IL1RAPL1: variants seen among roughly 807,000 people sequenced by gnomAD.
The protein encoded by IL1RAPL1 is interleukin 1 receptor accessory protein like 1.
A neutral mutation model predicts 48.4 loss-of-function variants in IL1RAPL1; 3 were observed. That is an observed-to-expected ratio of 0.06 (90% CI 0.03 to 0.16). The LOEUF (loss-of-function observed/expected upper bound fraction) is 0.16, where lower values mean the gene tolerates loss of function less well. Ranked by LOEUF, IL1RAPL1 falls within the 10% of genes least tolerant of loss-of-function variation. IL1RAPL1 has a pLI of 1.00. For synonymous variants in IL1RAPL1, 185 were observed against 187.7 expected, an observed-to-expected ratio of 0.99 and a Z score of 0.12; for missense variants, 349 against 530.6, an observed-to-expected ratio of 0.66 and a Z score of 3.36.
intron 2 of IL1RAPL1, among the ~76,000 whole-genome samples, chrX:29,036,118 A>C (rs1053091135): frequency 2.7e-5 from 3 of 112,034 alleles, no homozygotes; most frequent in African/African-American, 9.7e-5. Flanking sequence ...ACACTTCTTC[A>C]TTGGCATCTA....
chrX:29,446,126 C>A (rs1008468318), intron 5 of IL1RAPL1, among the ~76,000 whole-genome samples: 2 of 111,597 alleles, frequency 1.8e-5, no homozygotes, highest in African/African-American at 6.5e-5. Context: ...CCAAACGGTT[C>A]TCAAGACTTT....
intron 6 of IL1RAPL1, among the ~76,000 whole-genome samples, chrX:29,906,520 T>C (rs1271179113): frequency 1.7e-5 from 1 of 59,412 alleles, no homozygotes; most frequent in African/African-American, 6.5e-5. Context: ...TATATATATA[T>C]ATTTCTGTAG....
chrX:28,598,701 T>G (rs1177848049), intron 1 of IL1RAPL1, among the ~76,000 whole-genome samples: 7 of 105,603 alleles, frequency 6.6e-5, no homozygotes, highest in Non-Finnish European at 1.4e-4. Context: ...CAATCTTGGC[T>G]CACTGCAACC....
intron 6 of IL1RAPL1, among the ~76,000 whole-genome samples, chrX:29,733,284 G>A (rs1302123885): frequency 1.8e-5 from 2 of 111,798 alleles, no homozygotes; most frequent in African/African-American, 6.5e-5. Context: ...CTATCTGACT[G>A]CAAATTCTTT....
chrX:29,273,450 T>C (rs1035088977), intron 2 of IL1RAPL1, among the ~76,000 whole-genome samples: 2 of 111,587 alleles, frequency 1.8e-5, no homozygotes, highest in African/African-American at 3.3e-5. Context: ...TGAGGGACTT[T>C]TACCGGGCCC....
At chrX:29,951,081 G>T (rs1436532445) in intron 9 of IL1RAPL1, among the ~76,000 whole-genome samples, 1 of 111,811 alleles carries the variant, frequency 8.9e-6, no homozygotes, top group Non-Finnish European at 1.9e-5. Flanking sequence ...AATTCCTTGA[G>T]AAGTCAGAGC....
At chrX:29,201,693 ATT>A (rs11361698) in intron 2 of IL1RAPL1, among the ~76,000 whole-genome samples, 41 of 100,265 alleles carry the variant, frequency 4.1e-4, no homozygotes, top group African/African-American at 9.3e-4. Flanking sequence ...ATCATTATTG[ATT>A]TTTTTTTTTT....
chrX:29,301,017 T>C (rs1250830320), intron 3 of IL1RAPL1, among the ~76,000 whole-genome samples: 1 of 112,152 alleles, frequency 8.9e-6, no homozygotes, highest in Non-Finnish European at 1.9e-5. Context: ...CGTCCTTGAC[T>C]CTGACGTTTA....
chrX:29,942,364 T>G (rs1376557707), intron 9 of IL1RAPL1, among the ~76,000 whole-genome samples: 2 of 110,919 alleles, frequency 1.8e-5, no homozygotes, highest in Admixed American at 9.6e-5. Flanking sequence ...GTAATGCATC[T>G]CATATTTTTA....
chrX:29,080,292 T>C (rs1016612811), intron 2 of IL1RAPL1, among the ~76,000 whole-genome samples: 1 of 109,926 alleles, frequency 9.1e-6, no homozygotes, highest in African/African-American at 3.3e-5. Flanking sequence ...GGTGGGAGGA[T>C]CACTTGAGCC....
chrX:28,694,751 A>G (rs1195275942), intron 1 of IL1RAPL1, among the ~76,000 whole-genome samples: 2 of 112,154 alleles, frequency 1.8e-5, no homozygotes, highest in Non-Finnish European at 3.8e-5. Context: ...AGCTACACCC[A>G]CATCTTATTT....
intron 2 of IL1RAPL1, among the ~76,000 whole-genome samples, chrX:29,265,143 C>A (rs947218872): frequency 3.6e-5 from 4 of 110,892 alleles, no homozygotes; most frequent in African/African-American, 1.3e-4. Flanking sequence ...GAACTCCTGG[C>A]CTCAGGTGAT....
At chrX:29,537,789 A>G (rs1696913115) in intron 5 of IL1RAPL1, among the ~76,000 whole-genome samples, 1 of 111,651 alleles carries the variant, frequency 9.0e-6, no homozygotes, top group African/African-American at 3.2e-5. Flanking sequence ...AGGAGGCAAG[A>G]AGCTTATTTT....
chrX:29,330,737 C>T (rs1315935437), intron 3 of IL1RAPL1, among the ~76,000 whole-genome samples: 1 of 111,501 alleles, frequency 9.0e-6, no homozygotes, highest in Non-Finnish European at 1.9e-5. Context: ...TTCTTATACT[C>T]CCATAGGTGG....
At chrX:28,811,674 G>T (rs1474355916) in intron 2 of IL1RAPL1, among the ~76,000 whole-genome samples, 3 of 110,629 alleles carry the variant, frequency 2.7e-5, no homozygotes, top group Non-Finnish European at 5.7e-5. Context: ...GCCTGGAGAT[G>T]AATACAATGA....
chrX:28,810,644 A>G (rs777625438), intron 2 of IL1RAPL1, among the ~76,000 whole-genome samples: 54 of 110,792 alleles, frequency 4.9e-4, no homozygotes, highest in Admixed American at 3.3e-3. Context: ...AATGCATATG[A>G]ATTTTTTTTG....
At chrX:29,029,643 G>T (rs1926571898) in intron 2 of IL1RAPL1, among the ~76,000 whole-genome samples, 2 of 111,842 alleles carry the variant, frequency 1.8e-5, no homozygotes, top group South Asian at 7.3e-4. Flanking sequence ...TTGCATGACA[G>T]TCTTTTATCA....
At chrX:28,942,000 A>G (rs776889017) in intron 2 of IL1RAPL1, 1 of 110,229 alleles carries the variant, frequency 9.1e-6, no homozygotes, top group African/African-American at 3.3e-5. Flanking sequence ...AAGAAAAGAA[A>G]TGCTTCTAAA....
chrX:28,901,958 T>G (rs1284473202), intron 2 of IL1RAPL1, among the ~76,000 whole-genome samples: 1 of 111,596 alleles, frequency 9.0e-6, no homozygotes, highest in Non-Finnish European at 1.9e-5. Context: ...TCCCACTCTA[T>G]AGAGTAACAT....
Sources: gnomAD v4.1 joint callset for allele counts (sites outside exome capture counted in the v4.1 genomes callset) on GRCh38, gnomAD v4.1.1 for gene constraint, MANE v1.5 for transcripts, NCBI Gene and HGNC (gene_info 2026-07-23, HGNC 2026-07-21) for gene names.